Variants in GALNTL6 observed in about 807,000 individuals in gnomAD.
GALNTL6 encodes polypeptide N-acetylgalactosaminyltransferase like 6, also known as polypeptide N-acetylgalactosaminyltransferase-like 6.
Under a neutral mutation model 73.7 loss-of-function variants are expected in GALNTL6, and 46 were observed. That is an observed-to-expected ratio of 0.62 (90% CI 0.49 to 0.80). GALNTL6 has a LOEUF of 0.80. Among genes scored for constraint, GALNTL6 ranks in the 30% least tolerant of loss-of-function variants. GALNTL6 has a pLI of 0.00. For missense variants in GALNTL6, 604 were observed against 755.0 expected (o/e 0.80, Z 2.34); for synonymous variants, 259 against 263.7 (o/e 0.98, Z 0.17).
chr4:172,467,850 CTTT>C, intron 5 of GALNTL6, among the ~76,000 whole-genome samples: 1 of 143,066 alleles, frequency 7.0e-6, no homozygotes, highest in African/African-American at 2.6e-5. Flanking sequence ...TTCTTTCTTT[CTTT>C]CTTTCTTTCT....
At chr4:172,609,625 C>CTCTCTCTGTGTGTGTGTGTG (rs753051714) in intron 5 of GALNTL6, among the ~76,000 whole-genome samples, 1 of 92,776 alleles carries the variant, frequency 1.1e-5, no homozygotes. Flanking sequence ...CTCTCTCTCT[C>CTCTCTCTGTGTGTGTGTGTG]TGTGTGTGTG....
chr4:172,069,480 ATATAACACATATGTTATATG>A (rs1560909354), intron 2 of GALNTL6, among the ~76,000 whole-genome samples: 5 of 30,584 alleles, frequency 1.6e-4, no homozygotes, highest in Non-Finnish European at 2.5e-4. Context: ...TATATGTTAT[ATATAACACATATGTTATATG>A]TATAACACAT....
intron 5 of GALNTL6, among the ~76,000 whole-genome samples, chr4:172,595,415 T>G (rs1157568743): frequency 6.6e-6 from 1 of 152,166 alleles, no homozygotes; most frequent in Non-Finnish European, 1.5e-5. Flanking sequence ...CAATAATGCT[T>G]TATACTCAGG....
intron 5 of GALNTL6, among the ~76,000 whole-genome samples, chr4:172,674,653 T>C (rs909641206): frequency 8.5e-5 from 13 of 152,230 alleles, no homozygotes; most frequent in African/African-American, 3.1e-4. Flanking sequence ...TTGGAGGTTT[T>C]GTTCATTCCT....
intron 7 of GALNTL6, among the ~76,000 whole-genome samples, chr4:172,826,730 C>G (rs1326870052): frequency 6.6e-6 from 1 of 152,190 alleles, no homozygotes; most frequent in Admixed American, 6.5e-5. Flanking sequence ...GGCCCTCTTT[C>G]CTGAATCTCA....
At chr4:171,836,641 T>A (rs1043239994) in intron 2 of GALNTL6, among the ~76,000 whole-genome samples, 2 of 152,128 alleles carry the variant, frequency 1.3e-5, no homozygotes, top group Non-Finnish European at 1.5e-5. Flanking sequence ...TTTAATATTT[T>A]GTTTCGTATC....
intron 5 of GALNTL6, among the ~76,000 whole-genome samples, chr4:172,650,093 G>A (rs1203386327): frequency 1.3e-5 from 2 of 152,086 alleles, no homozygotes; most frequent in South Asian, 2.1e-4. Flanking sequence ...GCAAACAAAC[G>A]ATTTTCATGG....
intron 7 of GALNTL6, among the ~76,000 whole-genome samples, chr4:172,873,639 C>A (rs1023674263): frequency 6.6e-6 from 1 of 152,216 alleles, no homozygotes; most frequent in Non-Finnish European, 1.5e-5. Flanking sequence ...GATGAAACTT[C>A]TTTGTGGATA....
At position 172,504,179 on chromosome 4, in the gene GALNTL6, A is replaced by AAAAAAAAAAC. The variant is rs60168973; in HGVS notation, c.553+155490_553+155491insAAAAAAAAAC. The stretch of plus-strand genomic sequence containing the variant: ...TGTCTCAAAAAAAAAAAAAAAAAAA[A>AAAAAAAAAAC]CTCACACCTTGTTGATATTGGTCCT... On this transcript the variant is annotated intron_variant, in intron 5 of 12. Transcript: ENST00000506823. Among the ~76,000 whole-genome samples the AAAAAAAAAAC allele has an allele frequency of 4.5e-5, 2 of 44,484 alleles. 1 individual carries two copies. The highest frequency in any genetic ancestry group is 0.05 in the East Asian group (2 of 40). The allele number at this position is 44,484 out of a possible 152,430, so 29.2% of individuals were successfully genotyped here.
rs574423955 is a variant in GALNTL6, at chr4:172,134,298, T to C, written c.139-95358T>C. Among the ~76,000 whole-genome samples the C allele has an allele frequency of 6.0e-5, 9 of 151,222 alleles. 1 individual carries two copies. In the South Asian group the frequency reaches 1.9e-3, roughly 32 times the overall value. ...TACTCGGGAGGCTGAGGCAGGAGAA[T>C]GGCATGAACCTGGGAGGCGGAGTTT... On this transcript the variant is annotated intron_variant, in intron 2 of 12. Transcript: ENST00000506823.
At chr4:172,233,633 G>A (rs1026027900) in intron 3 of GALNTL6, among the ~76,000 whole-genome samples, 8 of 151,920 alleles carry the variant, frequency 5.3e-5, no homozygotes, top group African/African-American at 1.7e-4. Context: ...AAAAATCCCT[G>A]TGCTAATACC....
chr4:172,634,874 G>A (rs149982181), intron 5 of GALNTL6, among the ~76,000 whole-genome samples: 174 of 152,172 alleles, frequency 1.1e-3, no homozygotes, highest in African/African-American at 3.6e-3. Context: ...TGCAATAACA[G>A]AGATATATAC....
chr4:171,905,439 C>A (rs1335909867), intron 2 of GALNTL6, among the ~76,000 whole-genome samples: 1 of 151,942 alleles, frequency 6.6e-6, no homozygotes, highest in Non-Finnish European at 1.5e-5. Flanking sequence ...ACAAGAAGAG[C>A]TAACTATCCT....
intron 5 of GALNTL6, among the ~76,000 whole-genome samples, chr4:172,561,594 C>G (rs1736370209): frequency 6.6e-6 from 1 of 152,212 alleles, no homozygotes; most frequent in African/African-American, 2.4e-5. Context: ...CCTCTCCAGA[C>G]AGCCTGGCTG....
chr4:172,762,351 C>T (rs1010365451), intron 5 of GALNTL6, among the ~76,000 whole-genome samples: 2 of 151,652 alleles, frequency 1.3e-5, no homozygotes, highest in African/African-American at 4.9e-5. Context: ...GGCTGTATGC[C>T]ATTTAATTTA....
At chr4:172,164,965 C>T (rs990317192) in intron 2 of GALNTL6, among the ~76,000 whole-genome samples, 8 of 152,008 alleles carry the variant, frequency 5.3e-5, no homozygotes, top group East Asian at 1.9e-4. Flanking sequence ...TTCAGGTGCT[C>T]GCCTTATCAA....
At chr4:172,242,466 C>T (rs1010391923) in intron 3 of GALNTL6, among the ~76,000 whole-genome samples, 1 of 151,516 alleles carries the variant, frequency 6.6e-6, no homozygotes, top group Non-Finnish European at 1.5e-5. Context: ...CTGCATTTGC[C>T]ACTTGTTTTT....
intron 2 of GALNTL6, among the ~76,000 whole-genome samples, chr4:171,834,992 G>C (rs189920334): frequency 5.3e-5 from 8 of 152,020 alleles, no homozygotes; most frequent in Admixed American, 2.0e-4. Context: ...AGAGGCATCA[G>C]AACTAAAAAC....
intron 2 of GALNTL6, among the ~76,000 whole-genome samples, chr4:172,104,544 A>T (rs1732625465): frequency 6.6e-6 from 1 of 152,160 alleles, no homozygotes; most frequent in African/African-American, 2.4e-5. Context: ...CTGCTTTTTC[A>T]TTATTTGAAA....
Sources: gnomAD v4.1 joint callset for allele counts (sites outside exome capture counted in the v4.1 genomes callset) on GRCh38, gnomAD v4.1.1 for gene constraint, MANE v1.5 for transcripts, NCBI Gene and HGNC (gene_info 2026-07-23, HGNC 2026-07-21) for gene names.